The following CCDC148 variants were observed in gnomAD, a reference collection of about 807,000 sequenced individuals.
CCDC148 encodes the protein coiled-coil domain-containing protein 148.
In CCDC148, 89 loss-of-function variants were observed where a neutral mutation model predicts 85.7. The observed-to-expected ratio is 1.04, with a 90% CI of 0.87 to 1.24. The LOEUF (loss-of-function observed/expected upper bound fraction) is 1.24. CCDC148 is among the 50% of genes most tolerant of loss of function. CCDC148 has a pLI of 0.00. For missense variants in CCDC148, 692 were observed against 671.7 expected (o/e 1.03, Z -0.33); for synonymous variants, 230 against 213.9 (o/e 1.08, Z -0.66).
rs550420498 is a variant in CCDC148 at position 158,456,482 on chromosome 2, A to G, written c.-43T>C. The G allele has an allele frequency of 6.2e-7, 1 of 1,600,722 alleles. No individual in the cohort carries two copies. Among genetic ancestry groups the G allele is most frequent in the Admixed American group, 1.7e-5 (1 of 57,836 alleles). ...ATAGCCTCAGGGACTCCCCAAACGCAGGAAAAGTGAAACGCCCACTCCTGG... is the reference window on the plus strand; with the variant it reads ...ATAGCCTCAGGGACTCCCCAAACGCGGGAAAAGTGAAACGCCCACTCCTGG... On this transcript the variant is annotated 5_prime_UTR_variant, in exon 1 of 14. Coordinates refer to ENST00000283233, the MANE Select transcript of CCDC148 (RefSeq NM_138803.4).
At chr2:158,245,864 C>A (rs185240686) in intron 10 of CCDC148, among the ~76,000 whole-genome samples, 139 of 152,214 alleles carry the variant, frequency 9.1e-4, no homozygotes, top group Non-Finnish European at 1.6e-3. Flanking sequence ...GAGAGATGCT[C>A]CTGAAAAACA....
intron 1 of CCDC148, among the ~76,000 whole-genome samples, chr2:158,374,028 G>A (rs867796839): frequency 4.6e-5 from 7 of 152,192 alleles, no homozygotes; most frequent in Middle Eastern, 3.4e-3. Flanking sequence ...CTAATGCATG[G>A]TAGTATTAGA....
intron 11 of CCDC148, among the ~76,000 whole-genome samples, chr2:158,196,761 T>C (rs1685693408): frequency 6.6e-6 from 1 of 152,218 alleles, no homozygotes; most frequent in Admixed American, 6.6e-5. Flanking sequence ...ATCCCTGCTC[T>C]TTTACCTACA....
intron 9 of CCDC148, among the ~76,000 whole-genome samples, chr2:158,284,350 T>C (rs1305117007): frequency 6.6e-6 from 1 of 152,104 alleles, no homozygotes; most frequent in African/African-American, 2.4e-5. Flanking sequence ...AAAAAATAAC[T>C]ATTCAGTATT....
chr2:158,353,174 A>G (rs1238817561), intron 2 of CCDC148, among the ~76,000 whole-genome samples: 1 of 132,644 alleles, frequency 7.5e-6, no homozygotes, highest in African/African-American at 3.0e-5. Flanking sequence ...TCAACTAACG[A>G]GCAAAATCAC....
chr2:158,192,579 G>T (rs1345792983), intron 11 of CCDC148, among the ~76,000 whole-genome samples: 1 of 152,072 alleles, frequency 6.6e-6, no homozygotes, highest in Non-Finnish European at 1.5e-5. Flanking sequence ...CCAAGAGGTG[G>T]TTGTGTCTCT....
chr2:158,309,359 T>G, intron 9 of CCDC148, 74 bp downstream of exon 9: 5 of 1,261,892 alleles, frequency 4.0e-6, no homozygotes, highest in Non-Finnish European at 5.6e-6. Flanking sequence ...AACTTTAGGT[T>G]GAGTTTGAAC....
chr2:158,397,621 TGAAGG>T (rs1225244424), intron 1 of CCDC148, among the ~76,000 whole-genome samples: 2 of 152,064 alleles, frequency 1.3e-5, no homozygotes, highest in Non-Finnish European at 2.9e-5. Context: ...CAAGTATTCC[TGAAGG>T]AAGCCATAAA....
At chr2:158,266,452 A>G (rs909556716) in intron 9 of CCDC148, among the ~76,000 whole-genome samples, 19 of 152,134 alleles carry the variant, frequency 1.2e-4, no homozygotes, top group Admixed American at 7.9e-4. Context: ...TTGAAAATAC[A>G]CCCACATTCT....
chr2:158,232,737 G>C (rs1246113893), intron 10 of CCDC148, among the ~76,000 whole-genome samples: 3 of 152,130 alleles, frequency 2.0e-5, no homozygotes, highest in Admixed American at 2.0e-4. Context: ...AAAGCATCCA[G>C]TTCCAGTCCC....
At chr2:158,444,213 A>T (rs1688064600) in intron 1 of CCDC148, among the ~76,000 whole-genome samples, 3 of 152,108 alleles carry the variant, frequency 2.0e-5, no homozygotes, top group Admixed American at 2.0e-4. Context: ...ACATATATAT[A>T]TACAGCAAAC....
intron 1 of CCDC148, among the ~76,000 whole-genome samples, chr2:158,362,901 T>A (rs1347764566): frequency 6.6e-6 from 1 of 151,108 alleles, no homozygotes; most frequent in Non-Finnish European, 1.5e-5. Flanking sequence ...TTGAAAAAAT[T>A]AACAAAATAG....
At chr2:158,352,407 G>A (rs527513896) in intron 2 of CCDC148, among the ~76,000 whole-genome samples, 2 of 152,306 alleles carry the variant, frequency 1.3e-5, no homozygotes, top group South Asian at 2.1e-4. Flanking sequence ...GAAAACCAAG[G>A]CTCGAGAACT....
At chr2:158,448,608 TG>T (rs1475150759) in intron 1 of CCDC148, among the ~76,000 whole-genome samples, 2 of 152,128 alleles carry the variant, frequency 1.3e-5, no homozygotes, top group Admixed American at 6.6e-5. Context: ...CCTTCCAAAG[TG>T]CTGGGATCAC....
chr2:158,343,079 G>C (rs371507474), intron 3 of CCDC148, among the ~76,000 whole-genome samples: 147 of 152,224 alleles, frequency 9.7e-4, no homozygotes, highest in African/African-American at 3.3e-3. Flanking sequence ...CTGTTCACGG[G>C]TGCAATCATA....
At chr2:158,181,580 A>G (rs1422155942) in intron 11 of CCDC148, among the ~76,000 whole-genome samples, 1 of 152,156 alleles carries the variant, frequency 6.6e-6, no homozygotes, top group Non-Finnish European at 1.5e-5. Context: ...TTAGGGCAGT[A>G]TCTATAATAG....
chr2:158,323,714 A>G (rs550928751), intron 7 of CCDC148, among the ~76,000 whole-genome samples: 1 of 152,268 alleles, frequency 6.6e-6, no homozygotes, highest in East Asian at 1.9e-4. Flanking sequence ...TAGTTTCTTC[A>G]TCTGTAAAAC....
In CCDC148 at chr2:158,250,762, G is replaced by T; in HGVS notation, c.1251+10C>A. On this transcript the variant is annotated intron_variant, in intron 10 of 13. Transcript: ENST00000283233. ...CATTCACACATTCGTATTGACAATA[G>T]ATTTTTTACTTTTTTTTTCTTCTCT... The T allele has an allele frequency of 6.5e-7, 1 of 1,534,228 alleles. No individual in the cohort carries two copies. The highest frequency in any genetic ancestry group is 8.7e-7 in the Non-Finnish European group (1 of 1,144,038).
chr2:158,251,488 T>C (rs929243308), intron 9 of CCDC148, among the ~76,000 whole-genome samples: 4 of 151,796 alleles, frequency 2.6e-5, no homozygotes, highest in Admixed American at 1.3e-4. Flanking sequence ...CGTCACAATA[T>C]AAAAAATGCA....
Sources: gnomAD v4.1 joint callset for allele counts (sites outside exome capture counted in the v4.1 genomes callset) on GRCh38, gnomAD v4.1.1 for gene constraint, MANE v1.5 for transcripts, NCBI Gene and HGNC (gene_info 2026-07-23, HGNC 2026-07-21) for gene names.